Variants in YARS1 observed in about 807,000 individuals in gnomAD.
The protein encoded by YARS1 is tyrosyl-tRNA synthetase 1.
In YARS1, 36 loss-of-function variants were observed where a neutral mutation model predicts 62.2. The ratio of observed to expected loss-of-function variants is 0.58; its 90% confidence interval spans 0.44 to 0.76. The LOEUF is 0.76. Among genes scored for constraint, YARS1 ranks in the 30% least tolerant of loss-of-function variants. The pLI is 0.00. For missense variants in YARS1, 524 were observed against 639.8 expected, an observed-to-expected ratio of 0.82 and a Z score of 1.95; for synonymous variants, 234 against 244.9, an observed-to-expected ratio of 0.96 and a Z score of 0.42.
At chr1:32,816,998 T>C in intron 1 of YARS1, 190 bp downstream of exon 1, 2 of 716,678 alleles carry the variant, frequency 2.8e-6, no homozygotes, top group East Asian at 5.3e-5. Flanking sequence ...CCCACTGTGA[T>C]TTCTGGGGAA....
chr1:32,784,964 C>CT (rs1653173107), intron 8 of YARS1, among the ~76,000 whole-genome samples: 1 of 152,132 alleles, frequency 6.6e-6, no homozygotes, highest in East Asian at 1.9e-4. Context: ...ATAATTATCT[C>CT]TTGTTTTTGA....
intron 5 of YARS1, 37 bp from the exon 6 acceptor site, chr1:32,791,291 G>T: frequency 1.3e-6 from 2 of 1,555,778 alleles, no homozygotes; most frequent in Non-Finnish European, 1.8e-6. Flanking sequence ...GCCGATATTA[G>T]TCTAAGTTCC....
chr1:32,779,924 T>G (rs937236410), intron 11 of YARS1, 161 bp downstream of exon 11: 3 of 809,334 alleles, frequency 3.7e-6, no homozygotes, highest in Non-Finnish European at 6.1e-6. Flanking sequence ...TTAACAGTAC[T>G]TGTACGATAA....
chr1:32,788,578 T>C (rs1653313307), intron 6 of YARS1, among the ~76,000 whole-genome samples: 1 of 151,824 alleles, frequency 6.6e-6, no homozygotes, highest in Non-Finnish European at 1.5e-5. Context: ...ATTACAGGCA[T>C]GCACCACCAA....
In YARS1 at chr1:32,811,068, A is replaced by C; in HGVS notation, c.58-11T>G. 1 of 1,614,056 alleles carries C rather than the reference A, an allele frequency of 6.2e-7. No individual in the cohort carries two copies. The highest frequency in any genetic ancestry group is 1.1e-5 in the South Asian group (1 of 91,080). On this transcript the variant is annotated splice_polypyrimidine_tract_variant and intron_variant, in intron 1 of 12. Coordinates refer to ENST00000373477, the MANE Select transcript of YARS1 (RefSeq NM_003680.4). ...TTCCCCCAGAACCTCCTATTGTGGAAGCAGAAGAGTTAGTTTAATGTCAGT... is the reference window on the plus strand; with the variant it reads ...TTCCCCCAGAACCTCCTATTGTGGACGCAGAAGAGTTAGTTTAATGTCAGT...
chr1:32,779,622 G>A (rs1652989384), intron 11 of YARS1, 99 bp from the exon 12 acceptor site: 3 of 1,492,956 alleles, frequency 2.0e-6, no homozygotes, highest in Non-Finnish European at 2.8e-6. Context: ...GGCCCTGATG[G>A]GATTTAGGGC....
At chr1:32,814,209 A>G (rs1438007186) in intron 1 of YARS1, among the ~76,000 whole-genome samples, 1 of 152,090 alleles carries the variant, frequency 6.6e-6, no homozygotes, top group Non-Finnish European at 1.5e-5. Flanking sequence ...TTTCACTCCT[A>G]CTACAGTAAA....
At chr1:32,796,434 T>C (rs898844450) in intron 5 of YARS1, among the ~76,000 whole-genome samples, 3 of 151,890 alleles carry the variant, frequency 2.0e-5, no homozygotes, top group Non-Finnish European at 4.4e-5. Context: ...GGTGTGATCA[T>C]GGCTCACTGC....
chr1:32,783,019 T>G lies in YARS1; in HGVS notation c.907-480A>C, dbSNP rs373242803. ...AACCCCTCTAAGCTTTGGCTGCTGC[T>G]TTTTCTCTTTTCTTTTTGTAGAGAC... is the stretch of plus-strand genomic sequence containing the variant. On this transcript the variant is annotated intron_variant, in intron 8 of 12. Transcript: ENST00000373477. 1.8e-3 allele frequency: 295 copies of G among 164,974 alleles called. 1 individual carries two copies. The highest frequency in any genetic ancestry group is 0.015 in the South Asian group (90 of 6,184). 10.2% of individuals were successfully genotyped at this position (164,974 alleles called of 1,614,324 possible). A position where few individuals can be genotyped will look rare whatever the true frequency, so the allele number is the denominator to read the frequency against.
At chr1:32,782,229 A>C in intron 9 of YARS1, 175 bp downstream of exon 9, 1 of 1,079,552 alleles carries the variant, frequency 9.3e-7, no homozygotes, top group South Asian at 1.5e-5. Flanking sequence ...CCTGATGTTA[A>C]CCAAACCCAA....
chr1:32,804,909 T>C lies in YARS1; in HGVS notation c.510+1573A>G, dbSNP rs367840157. Among the ~76,000 whole-genome samples, 3 of 152,044 alleles carry C rather than the reference T, an allele frequency of 2.0e-5. No homozygotes were observed. In the East Asian group the frequency reaches 5.9e-4, roughly 30 times the overall value. On this transcript the variant is annotated intron_variant, in intron 4 of 12. Transcript: ENST00000373477. The stretch of plus-strand genomic sequence containing the variant: ...CTGGGAGGTGGAGGTTGTAGCGAGC[T>C]GAGATCACGCCACTGCACTCCAGCC...
chr1:32,805,963 AAAAT>A (rs993541347), intron 4 of YARS1, among the ~76,000 whole-genome samples: 3 of 152,164 alleles, frequency 2.0e-5, no homozygotes, highest in Non-Finnish European at 2.9e-5. Context: ...TTCCGTCTCA[AAAAT>A]AAATAAATAA....
chr1:32,776,962 G>A lies in YARS1; in HGVS notation c.1477-871C>T, dbSNP rs925240683. ...AGCCTGGGTGACAGAGTGAGACTCC[G>A]TCTCCAAAAAAAAAGAGCTTAGTTA... is the stretch of plus-strand genomic sequence containing the variant. On this transcript the variant is annotated intron_variant, in intron 12 of 12. Coordinates refer to ENST00000373477, the MANE Select transcript of YARS1 (RefSeq NM_003680.4). The surrounding 1 kb of genome is among the most constrained non-coding windows in gnomAD (Gnocchi z 4.0). 6.6e-6 allele frequency among the ~76,000 whole-genome samples: 1 copy of A among 150,832 alleles called. No homozygotes were observed. The highest frequency in any genetic ancestry group is 1.5e-5 in the Non-Finnish European group (1 of 67,744).
chr1:32,795,045 C>T (rs1021299033), intron 5 of YARS1, among the ~76,000 whole-genome samples: 7 of 136,996 alleles, frequency 5.1e-5, no homozygotes, highest in East Asian at 2.1e-4. Context: ...TTTTGCCAGG[C>T]GCGGTGGCTC....
chr1:32,795,284 A>C (rs539935556), intron 5 of YARS1, among the ~76,000 whole-genome samples: 1 of 152,032 alleles, frequency 6.6e-6, no homozygotes, highest in African/African-American at 2.4e-5. Flanking sequence ...GCGCTATTGC[A>C]CTCCAGCCTG....
chr1:32,815,286 T>C (rs1052441639), intron 1 of YARS1, among the ~76,000 whole-genome samples: 1 of 152,066 alleles, frequency 6.6e-6, no homozygotes, highest in Non-Finnish European at 1.5e-5. Context: ...GAGGCAGAGG[T>C]TGCAGTGAGC....
chr1:32,801,624 T>C (rs1288278414), intron 4 of YARS1, among the ~76,000 whole-genome samples: 1 of 152,186 alleles, frequency 6.6e-6, no homozygotes, highest in Non-Finnish European at 1.5e-5. Flanking sequence ...TGACTCTCCC[T>C]TTCACGAAAG....
intron 6 of YARS1, among the ~76,000 whole-genome samples, chr1:32,787,942 C>T (rs1449161842): frequency 6.6e-6 from 1 of 152,092 alleles, no homozygotes; most frequent in Non-Finnish European, 1.5e-5. Flanking sequence ...AAAACCTCAT[C>T]TCTACTGAAA....
intron 1 of YARS1, chr1:32,811,331 T>C: frequency 2.0e-6 from 1 of 491,742 alleles, no homozygotes; most frequent in Non-Finnish European, 3.7e-6. Flanking sequence ...CTCAAGGACT[T>C]AACTTGTGCA....
Sources: allele counts gnomAD v4.1 joint callset (sites outside exome capture counted in the v4.1 genomes callset), GRCh38; gene constraint gnomAD v4.1.1; non-coding constraint Gnocchi (gnomAD v3.1); transcripts MANE v1.5; gene names NCBI Gene and HGNC (gene_info 2026-07-23, HGNC 2026-07-21).